Variants in EAF2 observed in about 807,000 individuals in gnomAD.
EAF2 encodes the protein ELL associated factor 2.
In EAF2, 29 loss-of-function variants were observed where a neutral mutation model predicts 29.4. The observed-to-expected ratio is 0.99, with a 90% CI of 0.73 to 1.35. EAF2 has a LOEUF of 1.35. Ranked by LOEUF, EAF2 falls within the 40% of genes most tolerant of loss-of-function variation. EAF2 has a pLI of 0.00. For synonymous variants in EAF2, 103 were observed against 102.5 expected, an observed-to-expected ratio of 1.00 and a Z score of -0.03; for missense variants, 292 against 312.0, an observed-to-expected ratio of 0.94 and a Z score of 0.48.
chr3:121,860,331 A>G (rs1576647480), intron 4 of EAF2, among the ~76,000 whole-genome samples: 1 of 152,228 alleles, frequency 6.6e-6, no homozygotes, highest in East Asian at 1.9e-4. Context: ...GCTATTAATT[A>G]TTGCCTCAAT....
chr3:121,868,341 G>A (rs1708958355), intron 4 of EAF2, among the ~76,000 whole-genome samples: 1 of 152,216 alleles, frequency 6.6e-6, no homozygotes, highest in African/African-American at 2.4e-5. Context: ...GCTCACGCCT[G>A]CAATCCCAGC....
chr3:121,840,215 A>G (rs1383215666), intron 1 of EAF2, among the ~76,000 whole-genome samples: 4 of 121,246 alleles, frequency 3.3e-5, no homozygotes, highest in Admixed American at 8.5e-5. Flanking sequence ...AAAAAAAGCC[A>G]GGCGCGGTGG....
chr3:121,848,856 A>C (rs1330797943), intron 2 of EAF2, among the ~76,000 whole-genome samples: 1 of 144,174 alleles, frequency 6.9e-6, no homozygotes, highest in Non-Finnish European at 1.5e-5. Flanking sequence ...TTAACTTTTA[A>C]AAAATAAGGG....
chr3:121,858,495 TG>T (rs1708764649), intron 4 of EAF2, among the ~76,000 whole-genome samples: 1 of 152,262 alleles, frequency 6.6e-6, no homozygotes, highest in African/African-American at 2.4e-5. Flanking sequence ...TCATATCCTT[TG>T]CCCACTTTTT....
At chr3:121,877,803 C>T (rs1452316964) in intron 5 of EAF2, among the ~76,000 whole-genome samples, 1 of 151,974 alleles carries the variant, frequency 6.6e-6, no homozygotes, top group Non-Finnish European at 1.5e-5. Context: ...TGGAGTCTCG[C>T]TTTGTTTCTC....
chr3:121,861,520 G>A (rs898014764), intron 4 of EAF2, among the ~76,000 whole-genome samples: 19 of 151,580 alleles, frequency 1.3e-4, no homozygotes, highest in South Asian at 4.2e-4. Flanking sequence ...TTCCATTTGC[G>A]TGGTAGATCT....
chr3:121,883,599 A>C (rs764383269), intron 5 of EAF2, among the ~76,000 whole-genome samples: 4 of 152,218 alleles, frequency 2.6e-5, no homozygotes, highest in African/African-American at 7.2e-5. Context: ...TTATTGTGCA[A>C]GACTGGTTCA....
chr3:121,883,482 G>T (rs1174379273), intron 5 of EAF2, among the ~76,000 whole-genome samples: 1 of 152,160 alleles, frequency 6.6e-6, no homozygotes, highest in Non-Finnish European at 1.5e-5. Flanking sequence ...ACAATACTTG[G>T]AATTTATGAA....
chr3:121,854,633 C>G, intron 2 of EAF2, 54 bp from the exon 3 acceptor site: 1 of 1,396,500 alleles, frequency 7.2e-7, no homozygotes, highest in Non-Finnish European at 9.4e-7. Context: ...AAAGGCCTTC[C>G]CAAGTGAATT....
intron 5 of EAF2, among the ~76,000 whole-genome samples, chr3:121,875,083 T>C (rs1709073491): frequency 6.6e-6 from 1 of 151,918 alleles, no homozygotes; most frequent in Non-Finnish European, 1.5e-5. Flanking sequence ...AAAGTTATAA[T>C]AATATAATCA....
intron 5 of EAF2, among the ~76,000 whole-genome samples, chr3:121,881,671 G>A (rs577681326): frequency 5.9e-5 from 9 of 151,678 alleles, no homozygotes; most frequent in East Asian, 1.9e-4. Context: ...TGCCACACCC[G>A]GCTAATTTTT....
At chr3:121,854,974 G>A (rs1420360593) in intron 3 of EAF2, 151 bp downstream of exon 3, 1 of 835,754 alleles carries the variant, frequency 1.2e-6, no homozygotes, top group Non-Finnish European at 1.7e-6. Flanking sequence ...ATTTGGTGGA[G>A]ATCCTAAGCA....
At chr3:121,851,755 AAG>A (rs1708636423) in intron 2 of EAF2, among the ~76,000 whole-genome samples, 1 of 152,220 alleles carries the variant, frequency 6.6e-6, no homozygotes, top group African/African-American at 2.4e-5. Flanking sequence ...CAAAATTGGA[AAG>A]AGAGTAGGGA....
chr3:121,839,257 A>C (rs1708361735), intron 1 of EAF2, among the ~76,000 whole-genome samples: 1 of 152,214 alleles, frequency 6.6e-6, no homozygotes, highest in Non-Finnish European at 1.5e-5. Flanking sequence ...TAAGCTGGCA[A>C]CATTGATCCC....
At chr3:121,859,157 T>C (rs938786313) in intron 4 of EAF2, among the ~76,000 whole-genome samples, 1 of 152,184 alleles carries the variant, frequency 6.6e-6, no homozygotes, top group African/African-American at 2.4e-5. Context: ...ATGCGGGCTG[T>C]TTTTTGTGTC....
intron 5 of EAF2, among the ~76,000 whole-genome samples, chr3:121,878,831 A>G (rs1341213706): frequency 6.6e-6 from 1 of 152,188 alleles, no homozygotes; most frequent in African/African-American, 2.4e-5. Flanking sequence ...GCTCTTGTGA[A>G]TAATGCTGTA....
intron 3 of EAF2, among the ~76,000 whole-genome samples, chr3:121,855,885 C>G (rs993497134): frequency 1.2e-4 from 19 of 152,038 alleles, no homozygotes; most frequent in African/African-American, 4.6e-4. Context: ...GTCTTTTTAA[C>G]CAGGGATTGG....
chr3:121,876,171 C>G (rs1424249409), intron 5 of EAF2, among the ~76,000 whole-genome samples: 1 of 151,790 alleles, frequency 6.6e-6, no homozygotes, highest in South Asian at 2.1e-4. Flanking sequence ...ACAGAGAAGA[C>G]AAACTACAAA....
chr3:121,872,769 C>A lies in EAF2; in HGVS notation c.717C>A (p.Gly239=), dbSNP rs115221306. The A allele has an allele frequency of 9.6e-4, 1,547 of 1,611,254 alleles. 19 individuals carry two copies. In the African/African-American group the frequency reaches 0.019, roughly 20 times the overall value. ...ASHNRFRDNS[G]LLMNTLRNDL... is the part of the protein sequence containing the mutation. ...ATAATAGATTTCGAGACAACAGTGGCCTTCTGATGAATACTTTAAGTAAGT... is the reference window on the plus strand; with the variant it reads ...ATAATAGATTTCGAGACAACAGTGGACTTCTGATGAATACTTTAAGTAAGT... Residue 239 remains glycine, a synonymous_variant, in exon 5 of 6, where the codon GGC becomes GGA. Transcript: ENST00000273668.
Sources: gnomAD v4.1 joint callset for allele counts (sites outside exome capture counted in the v4.1 genomes callset) on GRCh38, gnomAD v4.1.1 for gene constraint, MANE v1.5 for transcripts, NCBI Gene and HGNC (gene_info 2026-07-23, HGNC 2026-07-21) for gene names.